LRRC1: variants seen among roughly 807,000 people sequenced by gnomAD.
The protein encoded by LRRC1 is leucine rich repeat containing 1.
In LRRC1, 28 loss-of-function variants were observed where a neutral mutation model predicts 69.9. The ratio of observed to expected loss-of-function variants is 0.40; its 90% CI spans 0.30 to 0.55. LRRC1 has a LOEUF of 0.55. Ranked by LOEUF, LRRC1 falls within the 20% of genes least tolerant of loss-of-function variation. LRRC1 has a pLI of 0.47. For missense variants in LRRC1, 498 were observed against 609.0 expected (o/e 0.82, Z 1.92); for synonymous variants, 236 against 240.2 (o/e 0.98, Z 0.16).
intron 11 of LRRC1, among the ~76,000 whole-genome samples, chr6:53,918,805 A>G (rs560998785): frequency 6.6e-6 from 1 of 152,376 alleles, no homozygotes; most frequent in Admixed American, 6.5e-5. Context: ...TAACATTTAA[A>G]GTACTTTCAT....
rs975494406 is a variant in LRRC1 at position 53,864,716 on chromosome 6, T to G, written c.278-14277T>G. 6.6e-5 allele frequency among the ~76,000 whole-genome samples: 10 copies of G among 152,238 alleles called. 1 individual carries two copies. The highest frequency in any genetic ancestry group is 3.9e-4 in the Admixed American group (6 of 15,300). On this transcript the variant is annotated intron_variant, in intron 2 of 13. Transcript: ENST00000370888. ...AACAGGCCCTCAAAAATGGCAGCTCTTCTTGTGTGGAGTTATATAGTCAAA... is the reference window on the plus strand; with the variant it reads ...AACAGGCCCTCAAAAATGGCAGCTCGTCTTGTGTGGAGTTATATAGTCAAA...
intron 2 of LRRC1, among the ~76,000 whole-genome samples, chr6:53,858,490 A>G (rs1209395281): frequency 6.6e-6 from 1 of 152,116 alleles, no homozygotes; most frequent in Non-Finnish European, 1.5e-5. Flanking sequence ...TCTTGTATTC[A>G]TCTTTGCCTC....
chr6:53,826,346 C>T (rs1445538330), intron 1 of LRRC1, among the ~76,000 whole-genome samples: 1 of 152,102 alleles, frequency 6.6e-6, no homozygotes, highest in African/African-American at 2.4e-5. Flanking sequence ...GGAACCTCCC[C>T]AGTCTTTCCA....
chr6:53,865,629 G>A (rs1420450075), intron 2 of LRRC1, among the ~76,000 whole-genome samples: 1 of 151,818 alleles, frequency 6.6e-6, no homozygotes, highest in East Asian at 1.9e-4. Context: ...TGGCAGTGAG[G>A]GTACTGTCTT....
intron 1 of LRRC1, among the ~76,000 whole-genome samples, chr6:53,817,442 G>A (rs1764983414): frequency 6.6e-6 from 1 of 152,068 alleles, no homozygotes; most frequent in African/African-American, 2.4e-5. Flanking sequence ...TTTGTGATGA[G>A]AACATTTGAA....
intron 10 of LRRC1, among the ~76,000 whole-genome samples, chr6:53,909,592 G>T (rs1490946811): frequency 1.3e-5 from 2 of 150,546 alleles, no homozygotes; most frequent in South Asian, 2.1e-4. Context: ...TCAATGTAAG[G>T]TACTTTTTTA....
At chr6:53,836,679 G>T (rs1324136094) in intron 1 of LRRC1, among the ~76,000 whole-genome samples, 12 of 152,072 alleles carry the variant, frequency 7.9e-5, no homozygotes, top group Admixed American at 7.9e-4. Flanking sequence ...ATATAGAAAA[G>T]AACTTAAAGC....
chr6:53,859,644 AC>A (rs761552561), intron 2 of LRRC1, among the ~76,000 whole-genome samples: 44 of 152,326 alleles, frequency 2.9e-4, no homozygotes, highest in Admixed American at 1.2e-3. Flanking sequence ...TATTATAATG[AC>A]CTGGATTACC....
In LRRC1 at chr6:53,923,349, A is replaced by C. The variant is rs1164160667; in HGVS notation, c.*556A>C. 1 of 152,700 alleles carries C rather than the reference A, an allele frequency of 6.5e-6. No homozygotes were observed. Among genetic ancestry groups the C allele is most frequent in the Non-Finnish European group, 1.5e-5 (1 of 68,082 alleles). 9.5% of individuals were successfully genotyped at this position (152,700 alleles called of 1,614,324 possible). A position where few individuals can be genotyped will look rare whatever the true frequency, so the allele number is the denominator to read the frequency against. On this transcript the variant is annotated 3_prime_UTR_variant, in exon 14 of 14. Coordinates refer to ENST00000370888, the MANE Select transcript of LRRC1 (RefSeq NM_018214.5). ...ATTTTAGTATTTGTGCAGAAAAACA[A>C]GTCCTAAAGTATTTGTTTTTATTTG...
At chr6:53,857,594 T>C (rs1264293391) in intron 2 of LRRC1, among the ~76,000 whole-genome samples, 1 of 152,112 alleles carries the variant, frequency 6.6e-6, no homozygotes, top group Non-Finnish European at 1.5e-5. Context: ...TCTCGAGAGC[T>C]TTTATGATGG....
chr6:53,880,974 A>G (rs536194169), intron 3 of LRRC1, among the ~76,000 whole-genome samples: 7 of 151,516 alleles, frequency 4.6e-5, no homozygotes, highest in Admixed American at 3.3e-4. Flanking sequence ...TATTTCTTTG[A>G]TTTTCCTTTT....
At chr6:53,816,214 A>G (rs1308299841) in intron 1 of LRRC1, among the ~76,000 whole-genome samples, 2 of 152,170 alleles carry the variant, frequency 1.3e-5, no homozygotes, top group Non-Finnish European at 2.9e-5. Flanking sequence ...TTTTTAGTTT[A>G]TAAATTATAG....
chr6:53,843,399 A>G (rs1765848283), intron 2 of LRRC1, among the ~76,000 whole-genome samples: 1 of 152,218 alleles, frequency 6.6e-6, no homozygotes, highest in Non-Finnish European at 1.5e-5. Flanking sequence ...AATATGGTGA[A>G]GAAAAAAATG....
intron 1 of LRRC1, among the ~76,000 whole-genome samples, chr6:53,840,923 T>C (rs868491628): frequency 2.2e-4 from 31 of 140,066 alleles, no homozygotes; most frequent in Middle Eastern, 3.7e-3. Flanking sequence ...TGTGTGTGTG[T>C]GTGTGCGTGC....
intron 4 of LRRC1, among the ~76,000 whole-genome samples, chr6:53,895,612 A>T (rs1476824451): frequency 6.6e-6 from 1 of 152,238 alleles, no homozygotes; most frequent in Non-Finnish European, 1.5e-5. Flanking sequence ...AGTTTAGTAC[A>T]GTGCTTGTAG....
chr6:53,898,489 T>C (rs1182840030), intron 7 of LRRC1, among the ~76,000 whole-genome samples: 2 of 152,194 alleles, frequency 1.3e-5, no homozygotes, highest in East Asian at 1.9e-4. Flanking sequence ...TAAATGACTG[T>C]GCAAAGTGTG....
intron 1 of LRRC1, among the ~76,000 whole-genome samples, chr6:53,827,839 G>A (rs1290886886): frequency 6.6e-6 from 1 of 152,196 alleles, no homozygotes; most frequent in East Asian, 1.9e-4. Context: ...GCTAGTGTAA[G>A]ATATGAGCAA....
chr6:53,816,544 T>G (rs966312271), intron 1 of LRRC1, among the ~76,000 whole-genome samples: 1 of 152,138 alleles, frequency 6.6e-6, no homozygotes, highest in Non-Finnish European at 1.5e-5. Context: ...AAAAAGCCTT[T>G]TTATGTTGGT....
At chr6:53,913,552 C>A (rs995256799) in intron 10 of LRRC1, among the ~76,000 whole-genome samples, 3 of 152,100 alleles carry the variant, frequency 2.0e-5, no homozygotes, top group Non-Finnish European at 4.4e-5. Context: ...GATGCAGTTG[C>A]GTTAGATATC....
Sources: gnomAD v4.1 joint callset for allele counts (sites outside exome capture counted in the v4.1 genomes callset) on GRCh38, gnomAD v4.1.1 for gene constraint, MANE v1.5 for transcripts, NCBI Gene and HGNC (gene_info 2026-07-23, HGNC 2026-07-21) for gene names.